MRC1: variants seen among roughly 807,000 people sequenced by gnomAD.
MRC1 encodes mannose receptor C-type 1, also known as macrophage mannose receptor 1.
In MRC1, 62 loss-of-function variants were observed where a neutral mutation model predicts 102.9. That is an observed-to-expected ratio of 0.60 (90% CI 0.49 to 0.74). The LOEUF is 0.74. MRC1 is among the 30% of genes least tolerant of loss of function. MRC1 has a pLI of 0.00. For synonymous variants in MRC1, 457 were observed against 298.4 expected, an observed-to-expected ratio of 1.53 and a Z score of -5.48; for missense variants, 1,237 against 862.8, an observed-to-expected ratio of 1.43 and a Z score of -5.43.
chr10:17,814,175 A>G (rs1419714737), intron 1 of MRC1, among the ~76,000 whole-genome samples: 2 of 152,212 alleles, frequency 1.3e-5, no homozygotes, highest in Admixed American at 6.5e-5. Flanking sequence ...AGTGGCTTGC[A>G]GAAGTCAGGT....
At chr10:17,900,391 A>T (rs1554843611) in intron 24 of MRC1, among the ~76,000 whole-genome samples, 2 of 152,118 alleles carry the variant, frequency 1.3e-5, no homozygotes, top group East Asian at 3.8e-4. Flanking sequence ...GTGTCCATGA[A>T]TTTAATGAAA....
chr10:17,871,073 A>T, intron 14 of MRC1, 138 bp downstream of exon 14: 1 of 712,592 alleles, frequency 1.4e-6, no homozygotes, highest in Non-Finnish European at 2.5e-6. Context: ...ATTGATGTGC[A>T]GGTAAACTTC....
intron 11 of MRC1, among the ~76,000 whole-genome samples, chr10:17,866,356 A>G (rs690753): frequency 0.84 from 128,315 of 152,000 alleles, 54,659 homozygotes; most frequent in Non-Finnish European, 0.9. Context: ...GGTGAATTTG[A>G]TAATATAAAA....
rs1833360833 is a variant in MRC1 at position 17,871,973 on chromosome 10, C to A, written c.2200-9C>A. 5.1e-6 allele frequency: 4 copies of A among 780,008 alleles called. No homozygotes were observed. Among genetic ancestry groups the A allele is most frequent in the South Asian group, 1.3e-5 (1 of 74,550 alleles). The allele number at this position is 780,008 out of a possible 1,614,324, so 48.3% of individuals were successfully genotyped here. On this transcript the variant is annotated splice_polypyrimidine_tract_variant and intron_variant, in intron 14 of 29. Coordinates refer to ENST00000569591, the MANE Select transcript of MRC1 (RefSeq NM_002438.4). The stretch of plus-strand genomic sequence containing the variant: ...GGTTAATGGTTGTAGTTTAATGTTT[C>A]TAATATAGGTTTCATATGAAAACTG...
chr10:17,824,181 T>C (rs1371668529), intron 2 of MRC1, among the ~76,000 whole-genome samples: 1 of 152,214 alleles, frequency 6.6e-6, no homozygotes, highest in East Asian at 1.9e-4. Context: ...CTTTCTTATA[T>C]TGACCAAATT....
intron 4 of MRC1, among the ~76,000 whole-genome samples, chr10:17,834,542 A>T (rs1838633426): frequency 6.6e-6 from 1 of 152,008 alleles, no homozygotes; most frequent in Non-Finnish European, 1.5e-5. Flanking sequence ...CCTCCCACGT[A>T]GCTGGGATTA....
At chr10:17,907,485 G>A in intron 27 of MRC1, 49 bp from the exon 28 acceptor site, 1 of 779,624 alleles carries the variant, frequency 1.3e-6, no homozygotes. Context: ...CTTATTTTAA[G>A]ATAGGTTATA....
intron 26 of MRC1, among the ~76,000 whole-genome samples, chr10:17,904,704 T>G (rs1337250204): frequency 6.6e-6 from 1 of 152,212 alleles, no homozygotes; most frequent in Non-Finnish European, 1.5e-5. Context: ...ACAAACTGCC[T>G]TAGCTTTCAC....
At position 17,823,158 on chromosome 10, in the gene MRC1, G is replaced by A; in HGVS notation, c.146G>A (p.Cys49Tyr). ...CCCAGTGCCGTCCAAACCGCAGCTT[G>A]CAACCAGGATGCCGAATCACAGAAA... ...VSPSAVQTAACNQDAESQKFR... is the reference protein window; with the variant it reads ...VSPSAVQTAAYNQDAESQKFR... The change falls in exon 2 of 30, where the codon TGC becomes TAC. Residue 49 changes from cysteine (C) to tyrosine (Y), a missense_variant. Transcript: ENST00000569591. 3 of 780,884 alleles carry A rather than the reference G, an allele frequency of 3.8e-6. No homozygotes were observed. The highest frequency in any genetic ancestry group is 7.2e-6 in the Non-Finnish European group (3 of 417,974). 48.4% of individuals were successfully genotyped at this position (780,884 alleles called of 1,614,324 possible). A position where few individuals can be genotyped will look rare whatever the true frequency, so the allele number is the denominator to read the frequency against.
chr10:17,873,755 T>TA, intron 15 of MRC1, 29 bp from the exon 16 acceptor site: 1 of 871,604 alleles, frequency 1.1e-6, no homozygotes, highest in South Asian at 1.3e-5. Flanking sequence ...TTAAGTACAC[T>TA]TTATTTCTAT....
chr10:17,870,405 T>G, intron 13 of MRC1, 32 bp downstream of exon 13: 3 of 780,126 alleles, frequency 3.8e-6, no homozygotes, highest in Non-Finnish European at 7.2e-6. Context: ...TCCTCCTTTT[T>G]GTTATCTAGT....
chr10:17,860,579 T>G (rs1380654379), intron 9 of MRC1, among the ~76,000 whole-genome samples: 2 of 152,146 alleles, frequency 1.3e-5, no homozygotes, highest in Non-Finnish European at 2.9e-5. Context: ...TGCCTGGCCA[T>G]TTCTGTGTAT....
chr10:17,903,208 T>C (rs1589196887), intron 26 of MRC1, among the ~76,000 whole-genome samples: 1 of 152,062 alleles, frequency 6.6e-6, no homozygotes, highest in African/African-American at 2.4e-5. Context: ...TTTTTGATTG[T>C]AGTGTTTACT....
At chr10:17,813,297 C>A (rs1041712577) in intron 1 of MRC1, among the ~76,000 whole-genome samples, 13 of 152,276 alleles carry the variant, frequency 8.5e-5, no homozygotes, top group African/African-American at 3.1e-4. Flanking sequence ...TGGAAGGGAT[C>A]CAACTGTGGT....
At chr10:17,880,464 TAAAATAA>T in intron 19 of MRC1, 54 bp from the exon 20 acceptor site, 1 of 770,464 alleles carries the variant, frequency 1.3e-6, no homozygotes, top group Non-Finnish European at 2.4e-6. Context: ...ATATATTTTT[TAAAATAA>T]TGTTTTAAAA....
At chr10:17,894,085 A>C (rs1014465605) in intron 22 of MRC1, 125 bp from the exon 23 acceptor site, 1 of 724,920 alleles carries the variant, frequency 1.4e-6, no homozygotes, top group African/African-American at 1.7e-5. Context: ...AGCATATCTT[A>C]AGTTAGGACA....
At position 17,844,276 on chromosome 10, in the gene MRC1, T is replaced by C. The variant is rs192451350; in HGVS notation, c.917-1013T>C. 4.3e-3 allele frequency among the ~76,000 whole-genome samples: 661 copies of C among 152,216 alleles called. 4 individuals carry two copies. The highest frequency in any genetic ancestry group is 0.015 in the African/African-American group (624 of 41,552). On this transcript the variant is annotated intron_variant, in intron 5 of 29. Transcript: ENST00000569591. ...CTCTGTCACCCCGGCTGGAGTGCAG[T>C]GGTGTGATCTCCACTCACTGCAACC...
At chr10:17,829,837 T>TC (rs1243620471) in intron 3 of MRC1, among the ~76,000 whole-genome samples, 1 of 151,574 alleles carries the variant, frequency 6.6e-6, no homozygotes, top group East Asian at 1.9e-4. Context: ...AAGTTACTAA[T>TC]CACAAAGAAA....
intron 9 of MRC1, among the ~76,000 whole-genome samples, chr10:17,858,803 G>A (rs1833136844): frequency 6.6e-6 from 1 of 152,208 alleles, no homozygotes; most frequent in Non-Finnish European, 1.5e-5. Flanking sequence ...TCACAGGCAT[G>A]AGCCATCGTG....
Sources: allele counts gnomAD v4.1 joint callset (sites outside exome capture counted in the v4.1 genomes callset), GRCh38; gene constraint gnomAD v4.1.1; transcripts MANE v1.5; gene names NCBI Gene and HGNC (gene_info 2026-07-23, HGNC 2026-07-21).